ZC3HC1: variants seen among roughly 807,000 people sequenced by gnomAD.
The protein encoded by ZC3HC1 is zinc finger C3HC-type containing 1, also known as zinc finger C3HC-type protein 1.
Under a neutral mutation model 61.9 loss-of-function variants are expected in ZC3HC1, and 38 were observed. That is an observed-to-expected ratio of 0.61 (90% CI 0.47 to 0.81). The LOEUF (loss-of-function observed/expected upper bound fraction) is 0.81. ZC3HC1 is among the 30% of genes least tolerant of loss of function. ZC3HC1 has a pLI of 0.00. For missense variants in ZC3HC1, 554 were observed against 622.7 expected (o/e 0.89, Z 1.17); for synonymous variants, 213 against 229.9 (o/e 0.93, Z 0.67).
chr7:130,026,264 C>A lies in ZC3HC1; in HGVS notation c.670G>T (p.Glu224Ter). 6.2e-7 allele frequency: 1 copy of A among 1,613,970 alleles called. No individual in the cohort carries two copies. The highest frequency in any genetic ancestry group is 1.1e-5 in the South Asian group (1 of 91,072). ...ISLLLHLLED[E>*]LDHRTDERKT... ...CTCTCATCAGTTCGGTGATCAAGTT[C>A]ATCTTCAAGCAAGTGTAGGAGAAGA... is the stretch of plus-strand genomic sequence containing the variant. Residue 224 changes from glutamate to a stop codon, truncating the protein, a stop_gained, in exon 6 of 10, where the codon GAA becomes TAA. Transcript: ENST00000358303. LOFTEE classifies it high-confidence loss of function.
chr7:130,047,638 TACAC>T (rs34052360), intron 2 of ZC3HC1, among the ~76,000 whole-genome samples: 4,603 of 138,064 alleles, frequency 0.033, 87 homozygotes, highest in African/African-American at 0.043. Flanking sequence ...AGACTTTGTC[TACAC>T]ACACACACAC....
In ZC3HC1 at chr7:130,023,381, T is replaced by A. The variant is rs1793733358; in HGVS notation, c.1233+130A>T. On this transcript the variant is annotated intron_variant, in intron 8 of 9. Transcript: ENST00000358303. The surrounding 1 kb of genome is among the most constrained non-coding windows in gnomAD (Gnocchi z 4.2). ...TTTTTTCCCTTTGGTCATCCAACTTTAAATTTATTCACATGGTCTACTTTT... is the reference window on the plus strand; with the variant it reads ...TTTTTTCCCTTTGGTCATCCAACTTAAAATTTATTCACATGGTCTACTTTT... 7 of 921,112 alleles carry A rather than the reference T, an allele frequency of 7.6e-6. No homozygotes were observed. The South Asian group carries it at 1.2e-4, about 15-fold the overall frequency. 57.1% of individuals were successfully genotyped at this position (921,112 alleles called of 1,614,324 possible).
intron 8 of ZC3HC1, among the ~76,000 whole-genome samples, chr7:130,022,821 T>A (rs1161156171): frequency 6.6e-6 from 1 of 152,114 alleles, no homozygotes; most frequent in Non-Finnish European, 1.5e-5. Context: ...CAAAGCTTCA[T>A]CTGAATTTAC....
intron 2 of ZC3HC1, among the ~76,000 whole-genome samples, chr7:130,042,302 CAAA>C (rs932185993): frequency 1.6e-4 from 11 of 68,156 alleles, no homozygotes; most frequent in Non-Finnish European, 1.6e-4. Context: ...GACCCTGTCT[CAAA>C]AAAAAAAAAA....
chr7:130,040,684 C>G (rs576893443), intron 3 of ZC3HC1, among the ~76,000 whole-genome samples: 2 of 151,404 alleles, frequency 1.3e-5, no homozygotes, highest in Admixed American at 6.6e-5. Flanking sequence ...GGCACTGCGC[C>G]TGTAGTCCCA....
intron 2 of ZC3HC1, among the ~76,000 whole-genome samples, chr7:130,047,686 G>A (rs1794921004): frequency 6.7e-6 from 1 of 150,014 alleles, no homozygotes; most frequent in South Asian, 2.1e-4. Context: ...CACGGGTAGG[G>A]GTGCAAACTT....
chr7:130,026,280 T>A lies in ZC3HC1; in HGVS notation c.654A>T (p.Leu218=). The change falls in exon 6 of 10, where the codon CTA becomes CTT. Residue 218 remains leucine, a synonymous_variant. Transcript: ENST00000358303. ...GATCAAGTTCATCTTCAAGCAAGTGTAGGAGAAGACTGATCTTGTCTTCTG... is the reference window on the plus strand; with the variant it reads ...GATCAAGTTCATCTTCAAGCAAGTGAAGGAGAAGACTGATCTTGTCTTCTG... ...CLTEDKISLL[L]HLLEDELDHR... 1 of 1,613,954 alleles carries A rather than the reference T, an allele frequency of 6.2e-7. No individual in the cohort carries two copies. The highest frequency in any genetic ancestry group is 8.5e-7 in the Non-Finnish European group (1 of 1,179,894).
chr7:130,026,909 G>A, intron 5 of ZC3HC1: 1 of 149,726 alleles, frequency 6.7e-6, no homozygotes, highest in South Asian at 2.1e-4. Flanking sequence ...GGCGGAGCTT[G>A]CAGTGAGCTG....
chr7:130,030,460 A>G (rs1001748028), intron 4 of ZC3HC1, among the ~76,000 whole-genome samples: 1 of 152,072 alleles, frequency 6.6e-6, no homozygotes, highest in Non-Finnish European at 1.5e-5. Flanking sequence ...TTGGCCTCCC[A>G]AAGTGCTGAG....
intron 4 of ZC3HC1, among the ~76,000 whole-genome samples, chr7:130,037,789 C>T (rs902324049): frequency 5.9e-5 from 9 of 152,114 alleles, no homozygotes; most frequent in Admixed American, 5.9e-4. Flanking sequence ...AAAAATATAC[C>T]TACATGGCAC....
At chr7:130,027,478 TG>T (rs1793968328) in intron 5 of ZC3HC1, 1 of 152,222 alleles carries the variant, frequency 6.6e-6, no homozygotes, top group Non-Finnish European at 1.5e-5. Flanking sequence ...GGTGATTAAA[TG>T]GAACAGTAAA....
At chr7:130,030,332 C>T (rs1196982181) in intron 4 of ZC3HC1, among the ~76,000 whole-genome samples, 4 of 151,378 alleles carry the variant, frequency 2.6e-5, no homozygotes, top group African/African-American at 7.3e-5. Flanking sequence ...CCTGAGTAGC[C>T]GGGATTACAG....
intron 4 of ZC3HC1, among the ~76,000 whole-genome samples, chr7:130,034,834 C>A (rs980934097): frequency 1.3e-5 from 2 of 152,098 alleles, no homozygotes; most frequent in African/African-American, 2.4e-5. Context: ...AAGTTTAGTT[C>A]TTTGCCTCAA....
chr7:130,024,118 A>G, intron 7 of ZC3HC1, 145 bp downstream of exon 7: 2 of 1,208,224 alleles, frequency 1.7e-6, no homozygotes, highest in East Asian at 4.8e-5. Context: ...CTTCCCCATT[A>G]GTGAACAGAA....
Position 130,018,589 on chromosome 7 carries a change from C to T in ZC3HC1, c.*75G>A, listed in dbSNP as rs908633114. 51 of 1,345,140 alleles carry T rather than the reference C, an allele frequency of 3.8e-5. No individual in the cohort carries two copies. The African/African-American group carries it at 4.8e-4, about 13-fold the overall frequency. The allele number at this position is 1,345,140 out of a possible 1,614,324, so 83.3% of individuals were successfully genotyped here. The stretch of plus-strand genomic sequence containing the variant: ...CAGGAAAAACTTAGTGTCAGCTGAC[C>T]GAAAGGAACTCAGCCTTAATTTTTC... On this transcript the variant is annotated 3_prime_UTR_variant, in exon 10 of 10. Coordinates refer to ENST00000358303, the MANE Select transcript of ZC3HC1 (RefSeq NM_016478.5).
intron 5 of ZC3HC1, among the ~76,000 whole-genome samples, chr7:130,027,568 G>A (rs951076600): frequency 3.3e-5 from 5 of 152,080 alleles, no homozygotes; most frequent in Admixed American, 2.0e-4. Flanking sequence ...TGCCCAGGCT[G>A]GAGTGCAATG....
chr7:130,031,342 A>C (rs945828476), intron 4 of ZC3HC1, among the ~76,000 whole-genome samples: 5 of 147,268 alleles, frequency 3.4e-5, no homozygotes, highest in African/African-American at 5.0e-5. Flanking sequence ...AAAAAAAAAA[A>C]CAGAAAACCA....
Position 130,032,719 on chromosome 7 carries a change from G to GGA in ZC3HC1, c.494-3691_494-3690insTC, listed in dbSNP as rs1563079390. Among the ~76,000 whole-genome samples the GGA allele has an allele frequency of 1.0e-3, 81 of 77,292 alleles. 1 individual carries two copies. Among genetic ancestry groups the GGA allele is most frequent in the African/African-American group, 3.7e-3 (79 of 21,296 alleles). The allele number at this position is 77,292 out of a possible 152,430, so 50.7% of individuals were successfully genotyped here. A position where few individuals can be genotyped will look rare whatever the true frequency, so the allele number is the denominator to read the frequency against. On this transcript the variant is annotated intron_variant, in intron 4 of 9. Transcript: ENST00000358303. ...GAAGGAAGGAAGGAAGGAAGGAAGG[G>GGA]AAGGAGGGAGGGAGGGAGGGACAGT...
At chr7:130,046,506 C>T (rs1167877684) in intron 2 of ZC3HC1, among the ~76,000 whole-genome samples, 3 of 151,434 alleles carry the variant, frequency 2.0e-5, no homozygotes, top group East Asian at 3.9e-4. Flanking sequence ...ACTTGGGAGG[C>T]TGAGGCAGGA....
Sources: gnomAD v4.1 joint callset for allele counts (sites outside exome capture counted in the v4.1 genomes callset) on GRCh38, gnomAD v4.1.1 for gene constraint, Gnocchi (gnomAD v3.1) non-coding constraint, MANE v1.5 for transcripts, NCBI Gene and HGNC (gene_info 2026-07-23, HGNC 2026-07-21) for gene names.